The following ARHGEF18 variants were observed in gnomAD, a reference collection of about 807,000 sequenced individuals.
ARHGEF18 encodes rho guanine nucleotide exchange factor 18.
Under a neutral mutation model 155.7 loss-of-function variants are expected in ARHGEF18, and 93 were observed. The observed-to-expected ratio is 0.60, with a 90% CI of 0.50 to 0.71. The LOEUF (loss-of-function observed/expected upper bound fraction) is 0.71, where lower values mean the gene tolerates loss of function less well. ARHGEF18 is among the 30% of genes least tolerant of loss of function. ARHGEF18 has a pLI of 0.00. For missense variants in ARHGEF18, 1,593 were observed against 1,816.1 expected (o/e 0.88, Z 2.23); for synonymous variants, 742 against 753.1 (o/e 0.99, Z 0.24).
chr19:7,402,881 C>T (rs1202916782), intron 10 of ARHGEF18, among the ~76,000 whole-genome samples: 1 of 152,122 alleles, frequency 6.6e-6, no homozygotes, highest in East Asian at 1.9e-4. Context: ...CCCAGAAAGC[C>T]CTCTTGACCA....
intron 10 of ARHGEF18, among the ~76,000 whole-genome samples, chr19:7,408,230 A>G (rs766003825): frequency 5.9e-5 from 9 of 152,110 alleles, no homozygotes; most frequent in Non-Finnish European, 1.3e-4. Context: ...GTGAGCCGAA[A>G]TCGCACCACT....
chr19:7,395,072 C>T lies in ARHGEF18; in HGVS notation c.967+11869C>T. 1.0e-6 allele frequency: 1 copy of T among 985,544 alleles called. No individual in the cohort carries two copies. The highest frequency in any genetic ancestry group is 1.2e-6 in the Non-Finnish European group (1 of 829,988). The allele number at this position is 985,544 out of a possible 1,614,324, so 61.0% of individuals were successfully genotyped here. ...CACGCCTCCTTCCGGGTCACGCCCT[C>T]TGCCCCGCCTCCGAGGCGGGATCGC... On this transcript the variant is annotated intron_variant, in intron 10 of 28. Coordinates refer to ENST00000668164, the MANE Select transcript of ARHGEF18 (RefSeq NM_001367823.1). The surrounding 1 kb of genome is among the most constrained non-coding windows in gnomAD (Gnocchi z 5.0).
At chr19:7,384,893 C>T (rs957716744) in intron 10 of ARHGEF18, among the ~76,000 whole-genome samples, 16 of 152,030 alleles carry the variant, frequency 1.1e-4, no homozygotes, top group African/African-American at 3.9e-4. Context: ...CAAGGTCTCA[C>T]TATATTGCCC....
chr19:7,375,284 AG>A (rs10707496), intron 3 of ARHGEF18, among the ~76,000 whole-genome samples: 23,068 of 134,496 alleles, frequency 0.17, 2,507 homozygotes, highest in Non-Finnish European at 0.23. Context: ...AAAAAAAAAA[AG>A]AAAGAAAAGA....
intron 10 of ARHGEF18, among the ~76,000 whole-genome samples, chr19:7,426,885 C>T (rs1973698789): frequency 6.6e-6 from 1 of 152,160 alleles, no homozygotes. Context: ...CTCTTGAGTT[C>T]TTAGTTATGC....
intron 3 of ARHGEF18, 63 bp from the exon 4 acceptor site, chr19:7,375,656 GC>G: frequency 8.1e-7 from 1 of 1,230,872 alleles, no homozygotes; most frequent in Non-Finnish European, 1.0e-6. Context: ...CCCCCTGGAT[GC>G]CTGGGGCAGC....
chr19:7,478,003 C>A, the ARHGEF18 span, among the ~76,000 whole-genome samples: 1 of 152,238 alleles, frequency 6.6e-6, no homozygotes, highest in African/African-American at 2.4e-5. Context: ...GCCTGGGCAA[C>A]AGAGCAAGAC....
At position 7,389,470 on chromosome 19, in the gene ARHGEF18, TCCTTCCTTCCTTCCTTCTTCCTTCCTC is replaced by T. The variant is rs202047713; in HGVS notation, c.967+6285_967+6311del. Among the ~76,000 whole-genome samples, 352 of 140,640 alleles carry T rather than the reference TCCTTCCTTCCTTCCTTCTTCCTTCCTC, an allele frequency of 2.5e-3. 14 individuals are homozygous for T. In the East Asian group the frequency reaches 0.068, roughly 27 times the overall value. 92.3% of individuals were successfully genotyped at this position (140,640 alleles called of 152,430 possible). ...CCACTGCATCCACCCTACATTTTCT[TCCTTCCTTCCTTCCTTCTTCCTTCCTC>T]CCTTCCTTCCTTCCTTCCTTTCTTT... On this transcript the variant is annotated intron_variant, in intron 10 of 28. Coordinates refer to ENST00000668164, the MANE Select transcript of ARHGEF18 (RefSeq NM_001367823.1).
At chr19:7,394,342 C>T (rs983100997) in intron 10 of ARHGEF18, among the ~76,000 whole-genome samples, 3 of 152,046 alleles carry the variant, frequency 2.0e-5, no homozygotes, top group African/African-American at 7.2e-5. Flanking sequence ...ATCCCCCCAC[C>T]ACTCCCTGAT....
intron 10 of ARHGEF18, among the ~76,000 whole-genome samples, chr19:7,406,963 G>C (rs1972351676): frequency 6.6e-6 from 1 of 151,220 alleles, no homozygotes; most frequent in Non-Finnish European, 1.5e-5. Context: ...TACTTGGGAG[G>C]CTGAGGCAGG....
chr19:7,401,251 G>T (rs2432104), intron 10 of ARHGEF18, among the ~76,000 whole-genome samples: 5,297 of 152,182 alleles, frequency 0.035, 276 homozygotes, highest in African/African-American at 0.11. Context: ...GTGACCCTTT[G>T]TGATGTCCAC....
At chr19:7,474,824 C>T (rs982547639), downstream of ARHGEF18, among the ~76,000 whole-genome samples, 9 of 150,184 alleles carry the variant, frequency 6.0e-5, no homozygotes, top group East Asian at 3.9e-4. Context: ...CAACCCCAGC[C>T]GTCCTCTGAC....
chr19:7,387,506 A>C (rs1400221019), intron 10 of ARHGEF18, among the ~76,000 whole-genome samples: 2 of 152,068 alleles, frequency 1.3e-5, no homozygotes, highest in African/African-American at 4.8e-5. Flanking sequence ...AAAGCTAAGA[A>C]TGGGGTGGGT....
rs143431540 is a variant in ARHGEF18, at chr19:7,451,174, G to A, written c.1763G>A (p.Arg588Gln). 28 of 1,570,158 alleles carry A rather than the reference G, an allele frequency of 1.8e-5. No homozygotes were observed. Among genetic ancestry groups the A allele is most frequent in the African/African-American group, 6.8e-5 (4 of 59,088 alleles). Reference protein sequence around the residue: ...IKKIGNFSIVRRLGVQECILL... With the variant: ...IKKIGNFSIVQRLGVQECILL... ...AAAATTGGCAACTTCTCCATCGTGC[G>A]GCGGCTTGGCGTGCAGGAGTGCATT... Residue 588 changes from arginine (R) to glutamine (Q), a missense_variant, in exon 16 of 29, where the codon CGG (arginine) becomes CAG (glutamine). Transcript: ENST00000668164.
At chr19:7,421,591 G>A (rs1461736495) in intron 10 of ARHGEF18, among the ~76,000 whole-genome samples, 2 of 152,094 alleles carry the variant, frequency 1.3e-5, no homozygotes, top group East Asian at 1.9e-4. Context: ...GTGAAAACCC[G>A]TCTCTACTAA....
At chr19:7,408,835 A>G (rs1244145581) in intron 10 of ARHGEF18, among the ~76,000 whole-genome samples, 2 of 152,160 alleles carry the variant, frequency 1.3e-5, no homozygotes, top group African/African-American at 4.8e-5. Flanking sequence ...TGAACCCAAG[A>G]GTTCAAGACC....
intron 16 of ARHGEF18, among the ~76,000 whole-genome samples, chr19:7,452,833 G>A (rs142824161): frequency 4.6e-5 from 7 of 151,934 alleles, no homozygotes; most frequent in Non-Finnish European, 1.0e-4. Flanking sequence ...GGCAGAGCTA[G>A]TCATGGCAGT....
In ARHGEF18 at chr19:7,373,753, T is replaced by C. The variant is rs146756822; in HGVS notation, c.275+682T>C. Among the ~76,000 whole-genome samples, 643 of 151,530 alleles carry C rather than the reference T, an allele frequency of 4.2e-3. 7 individuals are homozygous for C. Among genetic ancestry groups the C allele is most frequent in the African/African-American group, 0.015 (607 of 41,268 alleles). ...CCTCCCAAAGTGCTGGGATTACAGG[T>C]GTGAGCCACCGCACCCAGCCTAGAT... On this transcript the variant is annotated intron_variant, in intron 3 of 28. Transcript: ENST00000668164.
At chr19:7,476,015 T>C (rs1044794147), downstream of ARHGEF18, among the ~76,000 whole-genome samples, 8 of 152,212 alleles carry the variant, frequency 5.3e-5, no homozygotes, top group Non-Finnish European at 1.2e-4. Context: ...GCCTCCCAGC[T>C]GCTCAGAGCC....
Sources: allele counts gnomAD v4.1 joint callset (sites outside exome capture counted in the v4.1 genomes callset), GRCh38; gene constraint gnomAD v4.1.1; non-coding constraint Gnocchi (gnomAD v3.1); transcripts MANE v1.5; gene names NCBI Gene and HGNC (gene_info 2026-07-23, HGNC 2026-07-21).